Variants in ASB4 observed in about 807,000 individuals in gnomAD.
The protein encoded by ASB4 is ankyrin repeat and SOCS box containing 4.
Under a neutral mutation model 38.6 loss-of-function variants are expected in ASB4, and 35 were observed. That is an observed-to-expected ratio of 0.91 (90% confidence interval 0.69 to 1.20). The LOEUF (loss-of-function observed/expected upper bound fraction) is 1.20. ASB4 is among the 50% of genes most tolerant of loss of function. The pLI, the probability that ASB4 is intolerant of heterozygous loss-of-function variation, is 0.00. For missense variants in ASB4, 557 were observed against 527.2 expected, an observed-to-expected ratio of 1.06 and a Z score of -0.55; for synonymous variants, 195 against 201.3, an observed-to-expected ratio of 0.97 and a Z score of 0.26.
intron 2 of ASB4, among the ~76,000 whole-genome samples, chr7:95,508,317 G>T (rs1241015537): frequency 6.6e-6 from 1 of 152,110 alleles, no homozygotes; most frequent in Non-Finnish European, 1.5e-5. Flanking sequence ...AGGCTTTAAG[G>T]AAGCTTCCCT....
At chr7:95,525,900 T>C (rs1373997765) in intron 2 of ASB4, among the ~76,000 whole-genome samples, 1 of 152,222 alleles carries the variant, frequency 6.6e-6, no homozygotes, top group Non-Finnish European at 1.5e-5. Context: ...CTTGGGTACC[T>C]TCCTTGGGGA....
At chr7:95,513,242 G>GTT (rs1790507968) in intron 2 of ASB4, among the ~76,000 whole-genome samples, 1 of 49,696 alleles carries the variant, frequency 2.0e-5, no homozygotes, top group African/African-American at 8.1e-5. Context: ...GGTTTTTTTT[G>GTT]TTTTTTGTTT....
chr7:95,533,677 T>G (rs1427731058), intron 3 of ASB4, among the ~76,000 whole-genome samples: 1 of 152,174 alleles, frequency 6.6e-6, no homozygotes, highest in Non-Finnish European at 1.5e-5. Context: ...AAATCCTGAC[T>G]CTACCATTTC....
At position 95,495,739 on chromosome 7, in the gene ASB4, T is replaced by C. The variant is rs371005051; in HGVS notation, c.188-19T>C. On this transcript the variant is annotated intron_variant, in intron 1 of 4. Transcript: ENST00000325885. Reference sequence around the variant, plus strand: ...TCAAGAAGTTAAACTTTCCTTTTCCTTTTTTTTTTTTTTTTCAGGTTACTG... The same window carrying C: ...TCAAGAAGTTAAACTTTCCTTTTCCCTTTTTTTTTTTTTTTCAGGTTACTG... 1 of 44,234 alleles carries C rather than the reference T, an allele frequency of 2.3e-5. No homozygotes were observed. The highest frequency in any genetic ancestry group is 2.8e-5 in the Non-Finnish European group (1 of 35,760). 2.7% of individuals were successfully genotyped at this position (44,234 alleles called of 1,614,324 possible).
intron 2 of ASB4, among the ~76,000 whole-genome samples, chr7:95,505,072 CGTCACA>C (rs1790389349): frequency 6.6e-6 from 1 of 152,178 alleles, no homozygotes; most frequent in Non-Finnish European, 1.5e-5. Flanking sequence ...TTTCTGCTCT[CGTCACA>C]GTCTCTTCAG....
At chr7:95,513,716 G>A (rs1790517449) in intron 2 of ASB4, among the ~76,000 whole-genome samples, 1 of 152,074 alleles carries the variant, frequency 6.6e-6, no homozygotes, top group South Asian at 2.1e-4. Context: ...TCAGACTTCT[G>A]ACCTGCATAA....
In ASB4 at chr7:95,536,512, A is replaced by G. The variant is rs779836680; in HGVS notation, c.1054A>G (p.Thr352Ala). Reference sequence around the variant, plus strand: ...TGCCTATGAACACATCAGATGGAACACAAAGTGGAGAAGAGCTATCCCCGA... The same window carrying G: ...TGCCTATGAACACATCAGATGGAACGCAAAGTGGAGAAGAGCTATCCCCGA... Reference protein sequence around the residue: ...VNAYEHIRWNTKWRRAIPDDD... With the variant: ...VNAYEHIRWNAKWRRAIPDDD... The change falls in exon 4 of 5, where the codon ACA (threonine) becomes GCA (alanine). Residue 352 changes from threonine (T) to alanine (A), a missense_variant. Thr to Ala is a moderately conservative substitution (Grantham distance 58). Coordinates refer to ENST00000325885, the MANE Select transcript of ASB4 (RefSeq NM_016116.3). The G allele has an allele frequency of 1.9e-6, 3 of 1,613,212 alleles. No homozygotes were observed. The African/African-American group carries it at 4.0e-5, about 22-fold the overall frequency.
intron 2 of ASB4, among the ~76,000 whole-genome samples, chr7:95,517,609 A>AG (rs964132361): frequency 3.3e-5 from 5 of 152,114 alleles, no homozygotes; most frequent in African/African-American, 1.2e-4. Flanking sequence ...CTGAAAAAAA[A>AG]AAAGAATTTC....
At chr7:95,536,759 T>C (rs1790895458) in intron 4 of ASB4, among the ~76,000 whole-genome samples, 1 of 152,200 alleles carries the variant, frequency 6.6e-6, no homozygotes, top group Non-Finnish European at 1.5e-5. Context: ...GGGGAATTCC[T>C]CCATTTAAGG....
chr7:95,482,673 G>T (rs1187077906), upstream of ASB4, among the ~76,000 whole-genome samples: 1 of 152,214 alleles, frequency 6.6e-6, no homozygotes, highest in African/African-American at 2.4e-5. Flanking sequence ...CCTCTGGAGG[G>T]AGATCAATAG....
At chr7:95,488,251 G>T (rs28721388) in intron 1 of ASB4, among the ~76,000 whole-genome samples, 39,652 of 152,118 alleles carry the variant, frequency 0.26, 5,302 homozygotes, top group East Asian at 0.36. Context: ...TGAGACAGGA[G>T]AATGGTGTGA....
At chr7:95,527,760 G>C in intron 2 of ASB4, 53 bp from the exon 3 acceptor site, 1 of 1,500,226 alleles carries the variant, frequency 6.7e-7, no homozygotes, top group Non-Finnish European at 9.0e-7. Flanking sequence ...TGAACCTTAG[G>C]AATAATGACA....
intron 2 of ASB4, among the ~76,000 whole-genome samples, chr7:95,519,128 A>G (rs1790625120): frequency 6.6e-6 from 1 of 152,212 alleles, no homozygotes; most frequent in South Asian, 2.1e-4. Context: ...AGACAAGACT[A>G]TGGAAGACAC....
chr7:95,520,009 C>T (rs1342127074), intron 2 of ASB4, among the ~76,000 whole-genome samples: 1 of 151,970 alleles, frequency 6.6e-6, no homozygotes, highest in African/African-American at 2.4e-5. Flanking sequence ...AAAAACATGC[C>T]TTGTTTGGAG....
chr7:95,517,309 C>T (rs1790597261), intron 2 of ASB4, among the ~76,000 whole-genome samples: 1 of 152,164 alleles, frequency 6.6e-6, no homozygotes, highest in Admixed American at 6.5e-5. Context: ...GCTGGGACTA[C>T]AGACGTTAGC....
Position 95,495,817 on chromosome 7 carries a change from G to C in ASB4, c.247G>C (p.Val83Leu), listed in dbSNP as rs1471032379. Residue 83 changes from valine (V) to leucine (L), a missense_variant, in exon 2 of 5, where the codon GTC becomes CTC. Transcript: ENST00000325885. ...SSWATGLHLSVLFGHVECLLV... is the reference protein window; with the variant it reads ...SSWATGLHLSLLFGHVECLLV... ...CTGGGCCACAGGCCTCCATCTCTCT[G>C]TCTTGTTTGGCCATGTGGAATGTCT... is the stretch of plus-strand genomic sequence containing the variant. 6.2e-7 allele frequency: 1 copy of C among 1,610,654 alleles called. No individual in the cohort carries two copies. The highest frequency in any genetic ancestry group is 2.2e-5 in the East Asian group (1 of 44,804).
In ASB4 at chr7:95,527,979, G is replaced by A; in HGVS notation, c.654G>A (p.Trp218Ter). ...METPLAIAAY[W>*]ALRFKEQEYS... ...CCCCCCTGGCCATCGCCGCCTACTG[G>A]GCCCTCCGCTTTAAGGAGCAGGAGT... Residue 218 changes from tryptophan to a stop codon, truncating the protein, a stop_gained, in exon 3 of 5, where the codon TGG (tryptophan) becomes TGA (stop). Coordinates refer to ENST00000325885, the MANE Select transcript of ASB4 (RefSeq NM_016116.3). LOFTEE classifies it high-confidence loss of function. The A allele has an allele frequency of 4.3e-6, 7 of 1,614,052 alleles. No homozygotes were observed. Among genetic ancestry groups the A allele is most frequent in the Non-Finnish European group, 5.9e-6 (7 of 1,180,022 alleles).
At chr7:95,550,149 T>C in the ASB4 span, among the ~76,000 whole-genome samples, 5 of 152,156 alleles carry the variant, frequency 3.3e-5, no homozygotes, top group African/African-American at 9.7e-5. Flanking sequence ...ATCTCTTCCA[T>C]GATGATGGAA....
intron 2 of ASB4, among the ~76,000 whole-genome samples, chr7:95,523,130 C>T (rs1035822829): frequency 6.6e-6 from 1 of 152,048 alleles, no homozygotes; most frequent in African/African-American, 2.4e-5. Context: ...AAAATAAAAT[C>T]CAGACGAATC....
Sources: gnomAD v4.1 joint callset for allele counts (sites outside exome capture counted in the v4.1 genomes callset) on GRCh38, gnomAD v4.1.1 for gene constraint, MANE v1.5 for transcripts, NCBI Gene and HGNC (gene_info 2026-07-23, HGNC 2026-07-21) for gene names.